The following MNT variants were observed in gnomAD, a reference collection of about 807,000 sequenced individuals.
The protein encoded by MNT is max-binding protein MNT.
MNT carries 13 observed loss-of-function variants against 40.7 expected under a neutral mutation model. That is an observed-to-expected ratio of 0.32 (90% CI 0.21 to 0.51). The LOEUF (loss-of-function observed/expected upper bound fraction) is 0.51, where lower values mean the gene tolerates loss of function less well. Ranked by LOEUF, MNT falls within the 20% of genes least tolerant of loss-of-function variation. The pLI is 0.98. For synonymous variants in MNT, 426 were observed against 354.8 expected (o/e 1.20, Z -2.26); for missense variants, 757 against 792.0 (o/e 0.96, Z 0.53).
intron 4 of MNT, among the ~76,000 whole-genome samples, chr17:2,393,191 T>C (rs1234393317): frequency 4.6e-5 from 5 of 108,564 alleles, no homozygotes; most frequent in African/African-American, 1.7e-4. Flanking sequence ...CCCCTACGGC[T>C]CCGCGTCTCC....
intron 4 of MNT, 47 bp downstream of exon 4, chr17:2,393,993 CGGA>C: frequency 2.2e-6 from 3 of 1,339,596 alleles, no homozygotes; most frequent in Non-Finnish European, 3.0e-6. Context: ...GGAGGGGCGG[CGGA>C]GGGAGGGCGG....
intron 1 of MNT, among the ~76,000 whole-genome samples, chr17:2,400,010 GATC>G (rs1355164077): frequency 1.3e-5 from 2 of 152,212 alleles, no homozygotes; most frequent in Non-Finnish European, 2.9e-5. Flanking sequence ...GGCTGGCCAG[GATC>G]ATAAGACACG....
rs1296990026 is a variant in MNT at position 2,386,343 on chromosome 17, C to G, written c.*558G>C. The stretch of plus-strand genomic sequence containing the variant: ...AGGCCCCACCTGTCCGGGTGGGACT[C>G]CAGACCAGCCACTTCCTATGATCTG... On this transcript the variant is annotated 3_prime_UTR_variant, in exon 6 of 6. Coordinates refer to ENST00000174618, the MANE Select transcript of MNT (RefSeq NM_020310.3). 6.5e-6 allele frequency: 1 copy of G among 152,720 alleles called. No homozygotes were observed. Among genetic ancestry groups the G allele is most frequent in the South Asian group, 2.1e-4 (1 of 4,834 alleles). The allele number at this position is 152,720 out of a possible 1,614,324, so 9.5% of individuals were successfully genotyped here. A position where few individuals can be genotyped will look rare whatever the true frequency, so the allele number is the denominator to read the frequency against.
intron 4 of MNT, 186 bp downstream of exon 4, chr17:2,393,837 CCGCGCCCTCCTCTGCGCACG>C (rs1199717828): frequency 3.7e-6 from 1 of 268,648 alleles, no homozygotes; most frequent in East Asian, 7.1e-5. Flanking sequence ...GGGAGGGGAG[CCGCGCCCTCCTCTGCGCACG>C]CGCGCCCTCC....
At position 2,394,037 on chromosome 17, in the gene MNT, C is replaced by G. The variant is rs776478169; in HGVS notation, c.807+6G>C. 3.8e-6 allele frequency: 6 copies of G among 1,583,082 alleles called. No homozygotes were observed. Among genetic ancestry groups the G allele is most frequent in the Non-Finnish European group, 5.1e-6 (6 of 1,166,682 alleles). On this transcript the variant is annotated splice_donor_region_variant and intron_variant, in intron 4 of 5. Coordinates refer to ENST00000174618, the MANE Select transcript of MNT (RefSeq NM_020310.3). ...GCTGCGCGACGCCGGCCTCCGGGCC[C>G]CATACCTGGATGTACCGCAGCGCCG... is the stretch of plus-strand genomic sequence containing the variant.
intron 4 of MNT, chr17:2,390,394 G>A (rs2066503632): frequency 6.6e-6 from 1 of 152,292 alleles, no homozygotes; most frequent in Non-Finnish European, 1.5e-5. Flanking sequence ...CAGGAACAGG[G>A]CCGCATGCAG....
intron 1 of MNT, chr17:2,400,280 GCCACCCCCACGCAACACCATTCCTCACC>G: frequency 4.1e-6 from 1 of 242,226 alleles, no homozygotes; most frequent in Non-Finnish European, 8.1e-6. Context: ...ACGCGAGCCT[GCCACCCCCACGCAACACCATTCCTCACC>G]CCACCCCCCG....
chr17:2,394,821 G>A (rs2066561495), intron 2 of MNT, 54 bp downstream of exon 2: 4 of 1,352,136 alleles, frequency 3.0e-6, no homozygotes, highest in South Asian at 1.3e-5. Flanking sequence ...ACAGCCCGGG[G>A]GATGGGCACC....
intron 4 of MNT, chr17:2,392,173 G>C (rs1488183911): frequency 2.0e-5 from 3 of 152,206 alleles, no homozygotes; most frequent in African/African-American, 7.2e-5. Context: ...TCTGCCACAA[G>C]ACCCAGGCTT....
intron 5 of MNT, 84 bp downstream of exon 5, chr17:2,387,773 G>A (rs2151664728): frequency 6.5e-7 from 1 of 1,546,764 alleles, no homozygotes; most frequent in Non-Finnish European, 8.7e-7. Flanking sequence ...TTTCTAGCAG[G>A]CAAGAAAGAG....
intron 4 of MNT, chr17:2,391,037 G>T (rs2066509034): frequency 6.6e-6 from 1 of 152,438 alleles, no homozygotes; most frequent in Non-Finnish European, 1.5e-5. Flanking sequence ...CACCCAGGCT[G>T]GAGTGCAGTG....
Position 2,386,748 on chromosome 17 carries a change from TCA to T in MNT, c.*151_*152del. 1 of 733,862 alleles carries T rather than the reference TCA, an allele frequency of 1.4e-6. No homozygotes were observed. The highest frequency in any genetic ancestry group is 2.0e-6 in the Non-Finnish European group (1 of 492,084). 45.5% of individuals were successfully genotyped at this position (733,862 alleles called of 1,614,324 possible). On this transcript the variant is annotated 3_prime_UTR_variant, in exon 6 of 6. Coordinates refer to ENST00000174618, the MANE Select transcript of MNT (RefSeq NM_020310.3). ...CAGGGTGGCCCTTCCCTCCCTTGGC[TCA>T]GAGTCTTTGCACCCCCTTCCCCTAG...
At chr17:2,387,756 G>T in intron 5 of MNT, 101 bp downstream of exon 5, 1 of 1,547,480 alleles carries the variant, frequency 6.5e-7, no homozygotes, top group Non-Finnish European at 8.7e-7. Context: ...TGGGGCCAGG[G>T]CCATCTTTTC....
intron 4 of MNT, chr17:2,390,927 T>G (rs1157927753): frequency 1.3e-5 from 2 of 152,240 alleles, no homozygotes. Context: ...CTTTAACAGT[T>G]TCTCCCCATT....
At chr17:2,395,585 C>T (rs1158943887) in intron 1 of MNT, 131 bp from the exon 2 acceptor site, 4 of 1,469,138 alleles carry the variant, frequency 2.7e-6, no homozygotes, top group South Asian at 2.7e-5. Flanking sequence ...CCACAAATAG[C>T]CTACCAGCCC....
At position 2,385,642 on chromosome 17, in the gene MNT, C is replaced by G. The variant is rs1053808770; in HGVS notation, c.*1259G>C. 2.6e-5 allele frequency: 4 copies of G among 152,468 alleles called. No individual in the cohort carries two copies. The highest frequency in any genetic ancestry group is 6.7e-3 in the Middle Eastern group (2 of 300). The allele number at this position is 152,468 out of a possible 1,614,324, so 9.4% of individuals were successfully genotyped here. A position where few individuals can be genotyped will look rare whatever the true frequency, so the allele number is the denominator to read the frequency against. Reference sequence around the variant, plus strand: ...AAAGGTGCTGCTGCTCTGCAGCTCCCCGGGCAGGGCCCACTCAAAAGCGTC... The same window carrying G: ...AAAGGTGCTGCTGCTCTGCAGCTCCGCGGGCAGGGCCCACTCAAAAGCGTC... On this transcript the variant is annotated 3_prime_UTR_variant, in exon 6 of 6. Transcript: ENST00000174618.
chr17:2,399,641 CAGCCCCGCCCA>C (rs1429406089), intron 1 of MNT, among the ~76,000 whole-genome samples: 2 of 152,030 alleles, frequency 1.3e-5, no homozygotes. Context: ...GGCCCCTTGC[CAGCCCCGCCCA>C]GGCCCCGCCC....
intron 4 of MNT, among the ~76,000 whole-genome samples, chr17:2,393,103 C>T (rs1225292867): frequency 6.6e-6 from 1 of 151,850 alleles, no homozygotes; most frequent in Non-Finnish European, 1.5e-5. Flanking sequence ...GGAGCTTCCT[C>T]AGAGGATGGA....
At position 2,394,933 on chromosome 17, in the gene MNT, G is replaced by T; in HGVS notation, c.595C>A (p.Leu199Met). Residue 199 changes from leucine (L) to methionine (M), a missense_variant, in exon 2 of 6, where the codon CTG becomes ATG. Transcript: ENST00000174618. ...ACTTCTTCAGCTGGTGCCAACTTCAGGGTCCCCAGCGTGGGTGGGGGCGGC... is the reference window on the plus strand; with the variant it reads ...ACTTCTTCAGCTGGTGCCAACTTCATGGTCCCCAGCGTGGGTGGGGGCGGC... ...QQPPPPTLGT[L>M]KLAPAEEVKS... is the part of the protein sequence containing the mutation. 6.2e-7 allele frequency: 1 copy of T among 1,607,586 alleles called. No homozygotes were observed.
Sources: allele counts gnomAD v4.1 joint callset (sites outside exome capture counted in the v4.1 genomes callset), GRCh38; gene constraint gnomAD v4.1.1; transcripts MANE v1.5; gene names NCBI Gene and HGNC (gene_info 2026-07-23, HGNC 2026-07-21).